KLC2: variants seen among roughly 807,000 people sequenced by gnomAD.
The protein encoded by KLC2 is KLC 2.
Under a neutral mutation model 75.1 loss-of-function variants are expected in KLC2, and 35 were observed. The observed-to-expected ratio is 0.47, with a 90% CI of 0.36 to 0.62. The LOEUF is 0.62. Ranked by LOEUF, KLC2 falls within the 20% of genes least tolerant of loss-of-function variation. The pLI, the probability that KLC2 is intolerant of heterozygous loss-of-function variation, is 0.00. For synonymous variants in KLC2, 314 were observed against 336.7 expected, an observed-to-expected ratio of 0.93 and a Z score of 0.74; for missense variants, 611 against 833.2, an observed-to-expected ratio of 0.73 and a Z score of 3.28.
upstream of KLC2, among the ~76,000 whole-genome samples, chr11:66,254,763 T>C (rs886552471): frequency 8.0e-5 from 12 of 149,162 alleles, no homozygotes; most frequent in African/African-American, 2.5e-4. Flanking sequence ...CTATCTCTAC[T>C]AAAAACACAA....
At chr11:66,264,311 C>T (rs773672261) in intron 8 of KLC2, 34 bp from the exon 9 acceptor site, 1 of 1,588,804 alleles carries the variant, frequency 6.3e-7, no homozygotes, top group South Asian at 1.1e-5. Context: ...TGGCTGCATG[C>T]ATCCCGCTCA....
At chr11:66,265,555 C>G in intron 11 of KLC2, 100 bp from the exon 12 acceptor site, 1 of 952,214 alleles carries the variant, frequency 1.1e-6, no homozygotes, top group Non-Finnish European at 1.6e-6. Flanking sequence ...ATTCTGGCTA[C>G]CCCGGAGGTC....
intron 2 of KLC2, 33 bp downstream of exon 2, chr11:66,258,855 C>T: frequency 6.9e-7 from 1 of 1,456,926 alleles, no homozygotes; most frequent in South Asian, 1.1e-5. Context: ...GGTGGGAGGT[C>T]ACTGGAGGGA....
At position 66,267,566 on chromosome 11, in the gene KLC2, G is replaced by A. The variant is rs1032050659; in HGVS notation, c.*610G>A. 2.2e-5 allele frequency: 14 copies of A among 624,758 alleles called. No individual in the cohort carries two copies. The highest frequency in any genetic ancestry group is 1.8e-4 in the African/African-American group (10 of 54,304). 38.7% of individuals were successfully genotyped at this position (624,758 alleles called of 1,614,324 possible). On this transcript the variant is annotated 3_prime_UTR_variant, in exon 16 of 16. Coordinates refer to ENST00000394067, the MANE Select transcript of KLC2 (RefSeq NM_001318734.2). The stretch of plus-strand genomic sequence containing the variant: ...AGGGATGCGTCCTACCCGCGCCATC[G>A]CCCCGTGGCCCAGGACGGGGACCTC...
chr11:66,258,999 T>A (rs1856204011), intron 2 of KLC2, among the ~76,000 whole-genome samples, 177 bp downstream of exon 2: 1 of 152,146 alleles, frequency 6.6e-6, no homozygotes, highest in Non-Finnish European at 1.5e-5. Flanking sequence ...ACCCCAGCCC[T>A]GCCCTAAGAG....
Position 66,266,025 on chromosome 11 carries a change from C to A in KLC2, c.1602+13C>A. The A allele has an allele frequency of 1.2e-6, 2 of 1,613,284 alleles. No homozygotes were observed. The highest frequency in any genetic ancestry group is 1.7e-6 in the Non-Finnish European group (2 of 1,179,528). ...TGAGTGGAATGGGGTGAGTCCGGGG[C>A]CTGGGCCGGGTCGGGCTGGGAGCCT... On this transcript the variant is annotated intron_variant, in intron 13 of 15. Coordinates refer to ENST00000394067, the MANE Select transcript of KLC2 (RefSeq NM_001318734.2).
intron 11 of KLC2, chr11:66,265,452 G>A: frequency 1.5e-6 from 1 of 664,190 alleles, no homozygotes; most frequent in Non-Finnish European, 2.6e-6. Context: ...TCCCATGAGG[G>A]CCCTGGGGCC....
chr11:66,250,248 C>T, the KLC2 span, among the ~76,000 whole-genome samples: 9 of 152,210 alleles, frequency 5.9e-5, no homozygotes, highest in Admixed American at 1.3e-4. Context: ...GTACCACATT[C>T]GAATGAGAGC....
chr11:66,261,560 T>G, intron 2 of KLC2, 182 bp from the exon 3 acceptor site: 4 of 571,932 alleles, frequency 7.0e-6, no homozygotes, highest in East Asian at 2.9e-5. Context: ...GGGCTTTGCA[T>G]TATGGTGTGT....
chr11:66,258,897 G>A (rs999472285), intron 2 of KLC2, 75 bp downstream of exon 2: 1 of 1,003,962 alleles, frequency 1.0e-6, no homozygotes, highest in Non-Finnish European at 1.5e-6. Context: ...GGTAATGTAG[G>A]AGAAGAATCT....
chr11:66,246,408 G>A, the KLC2 span, among the ~76,000 whole-genome samples: 4 of 152,130 alleles, frequency 2.6e-5, no homozygotes, highest in South Asian at 6.2e-4. Flanking sequence ...CTCTCAGCCC[G>A]TCTGCATCTG....
rs745719631 is a variant in KLC2 at position 66,258,748 on chromosome 11, C to G, written c.154C>G (p.Pro52Ala). The G allele has an allele frequency of 3.7e-6, 6 of 1,613,590 alleles. No individual in the cohort carries two copies. In the South Asian group the frequency reaches 6.6e-5, roughly 18 times the overall value. ...TGCACCTGAGGCCGGCGAAGCCGAG[C>G]CTGGCTCGCAGGAGCGCTGCATCCT... ...LVAPEAGEAE[P>A]GSQERCILLR... The change falls in exon 2 of 16, where the codon CCT (proline) becomes GCT (alanine). Residue 52 changes from proline (P) to alanine (A), a missense_variant. Physicochemically the swap from Pro to Ala is conservative, Grantham distance 27. Coordinates refer to ENST00000394067, the MANE Select transcript of KLC2 (RefSeq NM_001318734.2).
At chr11:66,261,376 T>G (rs1331008997) in intron 2 of KLC2, 1 of 197,462 alleles carries the variant, frequency 5.1e-6, no homozygotes, top group Non-Finnish European at 1.0e-5. Context: ...GCGCTAGCCC[T>G]GAGGCAGGGA....
the KLC2 span, among the ~76,000 whole-genome samples, chr11:66,248,630 A>C: frequency 6.6e-6 from 1 of 151,924 alleles, no homozygotes; most frequent in Non-Finnish European, 1.5e-5. Context: ...TAAATAAATA[A>C]ATGTCCCTAT....
intron 10 of KLC2, 28 bp downstream of exon 10, chr11:66,265,100 T>G (rs1856720617): frequency 1.9e-6 from 3 of 1,609,136 alleles, no homozygotes. Flanking sequence ...GCTGGGCGGT[T>G]GTCAGGGGAG....
At chr11:66,252,762 G>T (rs571297442), upstream of KLC2, among the ~76,000 whole-genome samples, 2 of 152,120 alleles carry the variant, frequency 1.3e-5, no homozygotes, top group Non-Finnish European at 2.9e-5. Context: ...GGGCAGGACC[G>T]GTCTACCCTG....
chr11:66,265,980 G>T lies in KLC2; in HGVS notation c.1570G>T (p.Glu524Ter). ...CGGGCCTCGGTCTGAGTCTGACCTCGAGGACGTGGGACCTACAGCTGAGTG... is the reference window on the plus strand; with the variant it reads ...CGGGCCTCGGTCTGAGTCTGACCTCTAGGACGTGGGACCTACAGCTGAGTG... ...GAGPRSESDL[E>*]DVGPTAEWNG... Residue 524 changes from glutamate to a stop codon, truncating the protein, a stop_gained, in exon 13 of 16, where the codon GAG (glutamate) becomes TAG (stop). Transcript: ENST00000394067. LOFTEE classifies it high-confidence loss of function. 1 of 1,610,464 alleles carries T rather than the reference G, an allele frequency of 6.2e-7. No homozygotes were observed.
upstream of KLC2, among the ~76,000 whole-genome samples, chr11:66,256,652 A>C (rs1252606483): frequency 6.6e-6 from 1 of 152,162 alleles, no homozygotes; most frequent in Non-Finnish European, 1.5e-5. Flanking sequence ...CTTGGATGAT[A>C]AAGTAAGAAC....
At position 66,267,070 on chromosome 11, in the gene KLC2, T is replaced by TTCAATCTGTCTTTCAGCCC; in HGVS notation, c.*114_*115insTCAATCTGTCTTTCAGCCC. On this transcript the variant is annotated 3_prime_UTR_variant, in exon 16 of 16. Coordinates refer to ENST00000394067, the MANE Select transcript of KLC2 (RefSeq NM_001318734.2). ...TGTCTCTCCCACAGCCCCTGTCTTTTCTGTTCAATCTCAGGGTAACCTTCT... is the reference window on the plus strand; with the variant it reads ...TGTCTCTCCCACAGCCCCTGTCTTTTTCAATCTGTCTTTCAGCCCCTGTTCAATCTCAGGGTAACCTTCT... The TTCAATCTGTCTTTCAGCCC allele has an allele frequency of 6.4e-7, 1 of 1,556,864 alleles. No individual in the cohort carries two copies. Among genetic ancestry groups the TTCAATCTGTCTTTCAGCCC allele is most frequent in the Non-Finnish European group, 8.7e-7 (1 of 1,151,572 alleles).
Sources: gnomAD v4.1 joint callset for allele counts (sites outside exome capture counted in the v4.1 genomes callset) on GRCh38, gnomAD v4.1.1 for gene constraint, MANE v1.5 for transcripts, NCBI Gene and HGNC (gene_info 2026-07-23, HGNC 2026-07-21) for gene names.